Variants in ANKRD36 observed in about 807,000 individuals in gnomAD.
ANKRD36 encodes ankyrin repeat domain-containing protein 36A.
Under a neutral mutation model 278.1 loss-of-function variants are expected in ANKRD36, and 179 were observed. That is an observed-to-expected ratio of 0.64 (90% CI 0.57 to 0.73). The LOEUF (loss-of-function observed/expected upper bound fraction) is 0.73, where lower values mean the gene tolerates loss of function less well. Ranked by LOEUF, ANKRD36 falls within the 30% of genes least tolerant of loss-of-function variation. The pLI is 0.00. For missense variants in ANKRD36, 1,159 were observed against 1,956.7 expected, an observed-to-expected ratio of 0.59 and a Z score of 7.69; for synonymous variants, 320 against 641.1, an observed-to-expected ratio of 0.50 and a Z score of 7.57.
intron 46 of ANKRD36, 105 bp downstream of exon 46, chr2:97,200,630 C>A: frequency 1.3e-6 from 2 of 1,492,854 alleles, no homozygotes; most frequent in Non-Finnish European, 1.8e-6. Context: ...TTCTGATTCA[C>A]CAAGCTTGAG....
In ANKRD36 at chr2:97,154,614, GT is replaced by G; in HGVS notation, c.1194-56del. 7 of 1,378,490 alleles carry G rather than the reference GT, an allele frequency of 5.1e-6. 1 individual carries two copies. Among genetic ancestry groups the G allele is most frequent in the Non-Finnish European group, 6.9e-6 (7 of 1,007,448 alleles). The allele number at this position is 1,378,490 out of a possible 1,614,324, so 85.4% of individuals were successfully genotyped here. On this transcript the variant is annotated intron_variant, in intron 14 of 75. Coordinates refer to ENST00000420699, the MANE Select transcript of ANKRD36 (RefSeq NM_001354587.1). ...GGGGACCTGCATGTATAGACTGACG[GT>G]TTTTGTTTTCTTTTAAGAAATGAAC...
chr2:97,151,944 G>C lies in ANKRD36; in HGVS notation c.1162+5G>C, dbSNP rs1359602056. 2.1e-6 allele frequency: 3 copies of C among 1,447,630 alleles called. No individual in the cohort carries two copies. Among genetic ancestry groups the C allele is most frequent in the Non-Finnish European group, 2.8e-6 (3 of 1,070,562 alleles). 89.7% of individuals were successfully genotyped at this position (1,447,630 alleles called of 1,614,324 possible). On this transcript the variant is annotated splice_donor_5th_base_variant and intron_variant, in intron 13 of 75. Coordinates refer to ENST00000420699, the MANE Select transcript of ANKRD36 (RefSeq NM_001354587.1). ...CTCCACGATCTATAAAAGATGGTAA[G>C]TTATTTGAAGGCTGCCTATTGTAGT...
chr2:97,174,401 A>G (rs932983858), intron 22 of ANKRD36, among the ~76,000 whole-genome samples: 1 of 151,530 alleles, frequency 6.6e-6, no homozygotes, highest in Non-Finnish European at 1.5e-5. Flanking sequence ...ATTGGGATAA[A>G]CCACAGTGAC....
intron 43 of ANKRD36, 35 bp from the exon 44 acceptor site, chr2:97,198,551 T>C (rs56159881): frequency 0.71 from 1,102,055 of 1,554,064 alleles, 412,060 homozygotes; most frequent in Non-Finnish European, 0.79. Flanking sequence ...AAACATACTT[T>C]ATTAATTTAT....
chr2:97,129,568 T>C (rs2039527471), intron 6 of ANKRD36, among the ~76,000 whole-genome samples: 1 of 152,198 alleles, frequency 6.6e-6, no homozygotes, highest in African/African-American at 2.4e-5. Context: ...CTGAATGGTA[T>C]TGCCTAGGTT....
chr2:97,226,141 G>T lies in ANKRD36; in HGVS notation c.3951+1262G>T, dbSNP rs558817474. 2.4e-4 allele frequency among the ~76,000 whole-genome samples: 37 copies of T among 151,632 alleles called. 1 individual carries two copies. The highest frequency in any genetic ancestry group is 3.4e-3 in the Middle Eastern group (1 of 294). On this transcript the variant is annotated intron_variant, in intron 67 of 75. Coordinates refer to ENST00000420699, the MANE Select transcript of ANKRD36 (RefSeq NM_001354587.1). Reference sequence around the variant, plus strand: ...TTATAGTCCTTTGGGTATATACCCAGTAATGGGATGGCAGGGTCAAATGGT... The same window carrying T: ...TTATAGTCCTTTGGGTATATACCCATTAATGGGATGGCAGGGTCAAATGGT...
intron 46 of ANKRD36, 63 bp from the exon 47 acceptor site, chr2:97,202,139 G>A (rs1174526882): frequency 1.2e-5 from 20 of 1,601,094 alleles, no homozygotes; most frequent in South Asian, 5.6e-5. Flanking sequence ...AACAGTGCTC[G>A]AATGTATGGA....
intron 8 of ANKRD36, among the ~76,000 whole-genome samples, 163 bp from the exon 9 acceptor site, chr2:97,144,355 G>A (rs1282706465): frequency 6.6e-6 from 1 of 152,214 alleles, no homozygotes; most frequent in Non-Finnish European, 1.5e-5. Flanking sequence ...GTTTTCTACA[G>A]TGTAATTCTG....
At position 97,207,921 on chromosome 2, in the gene ANKRD36, A is replaced by G; in HGVS notation, c.3193-13A>G. On this transcript the variant is annotated splice_polypyrimidine_tract_variant and intron_variant, in intron 53 of 75. Transcript: ENST00000420699. ...CTTTATTAATTTATTATTTCATTTGAAATTCCATTCAGGCTACAAGTGCCG... is the reference window on the plus strand; with the variant it reads ...CTTTATTAATTTATTATTTCATTTGGAATTCCATTCAGGCTACAAGTGCCG... 1 of 1,531,450 alleles carries G rather than the reference A, an allele frequency of 6.5e-7. No individual in the cohort carries two copies. The highest frequency in any genetic ancestry group is 8.8e-7 in the Non-Finnish European group (1 of 1,137,062). 94.9% of individuals were successfully genotyped at this position (1,531,450 alleles called of 1,614,324 possible).
intron 11 of ANKRD36, among the ~76,000 whole-genome samples, chr2:97,148,555 G>A (rs1280640280): frequency 1.3e-5 from 2 of 152,060 alleles, no homozygotes; most frequent in African/African-American, 4.8e-5. Context: ...AGGTTCTTAA[G>A]CTTGCTGGTT....
At chr2:97,233,094 G>T (rs531133622) in intron 67 of ANKRD36, among the ~76,000 whole-genome samples, 513 of 151,686 alleles carry the variant, frequency 3.4e-3, no homozygotes, top group African/African-American at 0.012. Flanking sequence ...GCCGTTATGT[G>T]ACAACTGTAG....
rs771189511 is a variant in ANKRD36 at position 97,149,391 on chromosome 2, C to G, written c.1101+30C>G. 845 of 1,482,658 alleles carry G rather than the reference C, an allele frequency of 5.7e-4. 1 individual carries two copies. The highest frequency in any genetic ancestry group is 7.2e-4 in the Non-Finnish European group (797 of 1,113,766). The allele number at this position is 1,482,658 out of a possible 1,614,324, so 91.8% of individuals were successfully genotyped here. A position where few individuals can be genotyped will look rare whatever the true frequency, so the allele number is the denominator to read the frequency against. On this transcript the variant is annotated intron_variant, in intron 12 of 75. Coordinates refer to ENST00000420699, the MANE Select transcript of ANKRD36 (RefSeq NM_001354587.1). ...AGTACTCTCTTGTGAAATTAATTTT[C>G]TCCCTCTGAATCTCATTTTTTATAT... is the stretch of plus-strand genomic sequence containing the variant.
chr2:97,179,873 G>A lies in ANKRD36; in HGVS notation c.1675G>A (p.Asp559Asn), dbSNP rs755002107. The A allele has an allele frequency of 1.0e-4, 165 of 1,604,972 alleles. 1 individual carries two copies. Among genetic ancestry groups the A allele is most frequent in the African/African-American group, 2.7e-4 (20 of 74,754 alleles). The change falls in exon 24 of 76, where the codon GAC (aspartate) becomes AAC (asparagine). Residue 559 changes from aspartate to asparagine, a missense_variant. Asp to Asn is a conservative substitution (Grantham distance 23, BLOSUM62 1). Coordinates refer to ENST00000420699, the MANE Select transcript of ANKRD36 (RefSeq NM_001354587.1). ...AAATCCCATTCAGGCTACAAGTGAC[G>A]ACAAAGATTCTGTTTCAAATATAGC... ...KQPAEKATSD[D>N]KDSVSNIATE...
chr2:97,142,848 A>T lies in ANKRD36; in HGVS notation c.901+13A>T. On this transcript the variant is annotated intron_variant, in intron 8 of 75. Transcript: ENST00000420699. The stretch of plus-strand genomic sequence containing the variant: ...AAATCTGGGACAGGTATTTTGGAAT[A>T]CACATTTAATGTCATGTTCACTCAG... The T allele has an allele frequency of 6.4e-7, 1 of 1,552,186 alleles. No homozygotes were observed. Among genetic ancestry groups the T allele is most frequent in the Non-Finnish European group, 8.7e-7 (1 of 1,149,098 alleles).
At chr2:97,220,789 T>TC (rs2067376044) in intron 66 of ANKRD36, among the ~76,000 whole-genome samples, 1 of 127,154 alleles carries the variant, frequency 7.9e-6, no homozygotes, top group Non-Finnish European at 1.6e-5. Context: ...TTTTTTTTTT[T>TC]ATTATACTCT....
chr2:97,188,452 G>A (rs1013843105), intron 32 of ANKRD36, among the ~76,000 whole-genome samples: 9 of 151,638 alleles, frequency 5.9e-5, no homozygotes, highest in African/African-American at 2.2e-4. Flanking sequence ...AGAAATTTTC[G>A]GAAGGCTAAA....
Position 97,207,966 on chromosome 2 carries a change from T to C in ANKRD36, c.3225T>C (p.Asn1075=), listed in dbSNP as rs2063332337. Residue 1075 remains asparagine, a synonymous_variant, in exon 54 of 76, where the codon AAT becomes AAC. Coordinates refer to ENST00000420699, the MANE Select transcript of ANKRD36 (RefSeq NM_001354587.1). ...GTGCCGAGAAAGATTCTGTTTTGAA[T>C]ATAGCCAGAGGAAAAAAGTATGGAG... ...ATSAEKDSVL[N]IARGKKYGEK... 1 of 1,524,780 alleles carries C rather than the reference T, an allele frequency of 6.6e-7. No individual in the cohort carries two copies. Among genetic ancestry groups the C allele is most frequent in the African/African-American group, 1.5e-5 (1 of 66,496 alleles). 94.5% of individuals were successfully genotyped at this position (1,524,780 alleles called of 1,614,324 possible).
chr2:97,187,170 G>A (rs1434341458), intron 30 of ANKRD36, 28 bp from the exon 31 acceptor site: 3 of 1,608,746 alleles, frequency 1.9e-6, no homozygotes, highest in Non-Finnish European at 2.5e-6. Flanking sequence ...TTACATATGA[G>A]TGATTATGTA....
At chr2:97,183,732 G>A in intron 28 of ANKRD36, 78 bp downstream of exon 28, 6 of 1,461,566 alleles carry the variant, frequency 4.1e-6, no homozygotes, top group Non-Finnish European at 4.6e-6. Flanking sequence ...AGATCAGTGG[G>A]GTGTCATTGA....
Sources: allele counts gnomAD v4.1 joint callset (sites outside exome capture counted in the v4.1 genomes callset), GRCh38; gene constraint gnomAD v4.1.1; transcripts MANE v1.5; gene names NCBI Gene and HGNC (gene_info 2026-07-23, HGNC 2026-07-21).